The following USP34 variants were observed in gnomAD, a reference collection of about 807,000 sequenced individuals.
USP34 encodes the protein ubiquitin specific peptidase 34, also known as ubiquitin carboxyl-terminal hydrolase 34.
In USP34, 70 loss-of-function variants were observed where a neutral mutation model predicts 460.3. The ratio of observed to expected loss-of-function variants is 0.15; its 90% CI spans 0.13 to 0.19. The LOEUF (loss-of-function observed/expected upper bound fraction) is 0.19, where lower values mean the gene tolerates loss of function less well. Among genes scored for constraint, USP34 ranks in the 10% least tolerant of loss-of-function variants. The pLI is 1.00. For synonymous variants in USP34, 1,647 were observed against 1,405.3 expected, an observed-to-expected ratio of 1.17 and a Z score of -3.85; for missense variants, 3,985 against 4,236.2, an observed-to-expected ratio of 0.94 and a Z score of 1.65.
chr2:61,394,070 G>A (rs766424963), intron 5 of USP34, among the ~76,000 whole-genome samples: 25 of 151,900 alleles, frequency 1.6e-4, no homozygotes, highest in Non-Finnish European at 2.2e-4. Flanking sequence ...GCAGTGAGCT[G>A]AGACTGCACC....
Position 61,188,993 on chromosome 2 carries a change from T to A in USP34, c.9950A>T (p.Gln3317Leu). ...AGTCCTGCATTTGCTTAAAAGCTCT[T>A]GCAGAGTTGGAATTAGAGCTGGGTT... ...QLNPALIPTL[Q>L]ELLSKCRTCL... Residue 3317 changes from glutamine (Q) to leucine (L), a missense_variant, in exon 79 of 80, where the codon CAA (glutamine) becomes CTA (leucine). Gln to Leu is a moderately radical substitution (Grantham distance 113). Transcript: ENST00000398571. 1 of 1,614,218 alleles carries A rather than the reference T, an allele frequency of 6.2e-7. No individual in the cohort carries two copies. The highest frequency in any genetic ancestry group is 8.5e-7 in the Non-Finnish European group (1 of 1,180,048).
intron 1 of USP34, among the ~76,000 whole-genome samples, chr2:61,464,490 A>C (rs1047989113): frequency 2.7e-4 from 41 of 152,324 alleles, no homozygotes; most frequent in African/African-American, 9.4e-4. Context: ...GGGATACAAC[A>C]CTTGCTCTTG....
At chr2:61,285,670 A>G (rs956685165) in intron 34 of USP34, among the ~76,000 whole-genome samples, 1 of 152,140 alleles carries the variant, frequency 6.6e-6, no homozygotes, top group Non-Finnish European at 1.5e-5. Flanking sequence ...ATAATTAAAC[A>G]TGTTTTTACT....
chr2:61,381,347 C>CT (rs1460609813), intron 6 of USP34, among the ~76,000 whole-genome samples: 3 of 151,568 alleles, frequency 2.0e-5, no homozygotes, highest in African/African-American at 4.8e-5. Context: ...TTCATTTTTT[C>CT]TTTTTTTATA....
In USP34 at chr2:61,232,537, TAAA is replaced by T. The variant is rs750244747; in HGVS notation, c.7033-8_7033-6del. On this transcript the variant is annotated splice_region_variant and splice_polypyrimidine_tract_variant and intron_variant, in intron 57 of 79. Coordinates refer to ENST00000398571, the MANE Select transcript of USP34 (RefSeq NM_014709.4). Reference sequence around the variant, plus strand: ...AGCCATACGATCTAAAAACCACTGTTAAAAAAAAATACAGCATGACTTTAACAT... The same window carrying T: ...AGCCATACGATCTAAAAACCACTGTTAAAAAATACAGCATGACTTTAACAT... The T allele has an allele frequency of 6.4e-7, 1 of 1,572,014 alleles. No individual in the cohort carries two copies. Among genetic ancestry groups the T allele is most frequent in the Non-Finnish European group, 8.7e-7 (1 of 1,155,686 alleles).
chr2:61,459,361 A>C (rs1345217806), intron 1 of USP34, among the ~76,000 whole-genome samples: 2 of 152,186 alleles, frequency 1.3e-5, no homozygotes, highest in South Asian at 2.1e-4. Context: ...CTGTATAAGA[A>C]ATTTCAGTGT....
intron 2 of USP34, among the ~76,000 whole-genome samples, chr2:61,410,387 G>T (rs773830254): frequency 4.6e-5 from 7 of 152,132 alleles, no homozygotes; most frequent in Non-Finnish European, 1.0e-4. Context: ...TGATCTGACA[G>T]GAGGTGGAGT....
At chr2:61,464,961 A>C (rs1451037395) in intron 1 of USP34, among the ~76,000 whole-genome samples, 1 of 152,132 alleles carries the variant, frequency 6.6e-6, no homozygotes, top group Non-Finnish European at 1.5e-5. Context: ...CAAGCAGAGG[A>C]ACAGAAATTT....
At chr2:61,188,866 C>T (rs776860151) in intron 79 of USP34, 44 bp downstream of exon 79, 7 of 1,607,700 alleles carry the variant, frequency 4.4e-6, no homozygotes, top group Non-Finnish European at 5.9e-6. Context: ...GTATTACTCC[C>T]TCCTCCCACC....
chr2:61,399,771 G>A (rs1221693449), intron 3 of USP34, among the ~76,000 whole-genome samples: 3 of 148,956 alleles, frequency 2.0e-5, no homozygotes, highest in East Asian at 4.1e-4. Flanking sequence ...TACTCGGGAC[G>A]CTGAGGCCGG....
Position 61,188,992 on chromosome 2 carries a change from T to C in USP34, c.9951A>G (p.Gln3317=), listed in dbSNP as rs772611714. 2.5e-6 allele frequency: 4 copies of C among 1,614,230 alleles called. No individual in the cohort carries two copies. The highest frequency in any genetic ancestry group is 2.2e-5 in the East Asian group (1 of 44,882). Residue 3317 remains glutamine, a synonymous_variant, in exon 79 of 80, where the codon CAA becomes CAG. Coordinates refer to ENST00000398571, the MANE Select transcript of USP34 (RefSeq NM_014709.4). ...AAGTCCTGCATTTGCTTAAAAGCTC[T>C]TGCAGAGTTGGAATTAGAGCTGGGT... ...QLNPALIPTL[Q]ELLSKCRTCL... is the part of the protein sequence containing the mutation.
chr2:61,288,072 G>C (rs940470980), intron 34 of USP34, among the ~76,000 whole-genome samples: 14 of 152,204 alleles, frequency 9.2e-5, no homozygotes, highest in Non-Finnish European at 1.9e-4. Context: ...AGAAGACAGA[G>C]TTTGTTTCAG....
At chr2:61,203,429 T>TA (rs1256050108) in intron 74 of USP34, among the ~76,000 whole-genome samples, 166 bp from the exon 75 acceptor site, 1 of 152,168 alleles carries the variant, frequency 6.6e-6, no homozygotes, top group Non-Finnish European at 1.5e-5. Context: ...TTAATTGTCG[T>TA]AAGTTTATTT....
At chr2:61,231,659 G>T (rs1687910079) in intron 58 of USP34, among the ~76,000 whole-genome samples, 1 of 151,874 alleles carries the variant, frequency 6.6e-6, no homozygotes, top group South Asian at 2.1e-4. Flanking sequence ...AAGCTGCAGT[G>T]AGCCATGAAG....
At chr2:61,381,924 T>G (rs1442002755) in intron 6 of USP34, among the ~76,000 whole-genome samples, 2 of 152,142 alleles carry the variant, frequency 1.3e-5, no homozygotes, top group African/African-American at 4.8e-5. Flanking sequence ...AGTAATGATA[T>G]CCACAGTACA....
At chr2:61,267,136 GT>G (rs1366353952) in intron 41 of USP34, among the ~76,000 whole-genome samples, 1 of 152,190 alleles carries the variant, frequency 6.6e-6, no homozygotes, top group Non-Finnish European at 1.5e-5. Flanking sequence ...CCTTGGTTAA[GT>G]TGCAACTGGC....
intron 57 of USP34, among the ~76,000 whole-genome samples, chr2:61,235,145 T>C (rs1330862265): frequency 6.6e-6 from 1 of 152,156 alleles, no homozygotes; most frequent in East Asian, 1.9e-4. Context: ...GTTAATTAAT[T>C]TGAATGTGGG....
At chr2:61,352,122 T>A (rs1691958712) in intron 10 of USP34, among the ~76,000 whole-genome samples, 1 of 152,172 alleles carries the variant, frequency 6.6e-6, no homozygotes, top group African/African-American at 2.4e-5. Flanking sequence ...AAATCTTAAA[T>A]GTTCCAATGA....
intron 49 of USP34, among the ~76,000 whole-genome samples, chr2:61,247,256 AATG>A (rs1260342519): frequency 6.6e-6 from 1 of 152,212 alleles, no homozygotes; most frequent in Non-Finnish European, 1.5e-5. Context: ...AGAATAAGGA[AATG>A]ATGAGATCTG....
Sources: gnomAD v4.1 joint callset for allele counts (sites outside exome capture counted in the v4.1 genomes callset) on GRCh38, gnomAD v4.1.1 for gene constraint, MANE v1.5 for transcripts, NCBI Gene and HGNC (gene_info 2026-07-23, HGNC 2026-07-21) for gene names.